The following FANCB variants were observed in gnomAD, a reference collection of about 807,000 sequenced individuals.
The protein encoded by FANCB is FA complementation group B.
In FANCB, 5 loss-of-function variants were observed where a neutral mutation model predicts 38.9. That is an observed-to-expected ratio of 0.13 (90% CI 0.07 to 0.27). FANCB has a LOEUF of 0.27. Ranked by LOEUF, FANCB falls within the 10% of genes least tolerant of loss-of-function variation. The pLI is 1.00. For missense variants in FANCB, 573 were observed against 602.7 expected (o/e 0.95, Z 0.52); for synonymous variants, 236 against 215.4 (o/e 1.10, Z -0.84).
chrX:14,746,289 G>A, the FANCB span, among the ~76,000 whole-genome samples: 1 of 112,078 alleles, frequency 8.9e-6, no homozygotes, highest in East Asian at 2.8e-4. Flanking sequence ...ATGAAAATAT[G>A]AAGTCACATG....
chrX:14,697,408 C>T, the FANCB span, among the ~76,000 whole-genome samples: 4 of 111,906 alleles, frequency 3.6e-5, no homozygotes, highest in African/African-American at 9.8e-5. Context: ...GGTGATCCTC[C>T]GGTATAGGGG....
chrX:14,738,489 T>C, the FANCB span, among the ~76,000 whole-genome samples: 1 of 112,072 alleles, frequency 8.9e-6, no homozygotes, highest in African/African-American at 3.2e-5. Flanking sequence ...ACGGATATTA[T>C]TACTATCGCT....
chrX:14,872,175 G>A (rs1465857225), intron 1 of FANCB, among the ~76,000 whole-genome samples: 1 of 111,977 alleles, frequency 8.9e-6, no homozygotes, highest in Non-Finnish European at 1.9e-5. Context: ...TAAGGATGTA[G>A]TCAAACAACG....
chrX:14,799,827 G>T, the FANCB span, among the ~76,000 whole-genome samples: 1 of 112,276 alleles, frequency 8.9e-6, no homozygotes, highest in Non-Finnish European at 1.9e-5. Flanking sequence ...TTATAAAGTG[G>T]CAGAGAATGT....
At chrX:14,812,195 GC>G in the FANCB span, among the ~76,000 whole-genome samples, 1 of 110,273 alleles carries the variant, frequency 9.1e-6, no homozygotes. Context: ...AGCACTAAAT[GC>G]CCACAAGAGA....
chrX:14,833,777 T>C (rs1376610564), downstream of FANCB, among the ~76,000 whole-genome samples: 1 of 109,871 alleles, frequency 9.1e-6, no homozygotes, highest in Non-Finnish European at 1.9e-5. Flanking sequence ...CTGGGCAGCA[T>C]GGTGAAACCT....
chrX:14,858,387 A>T (rs1258437237), intron 4 of FANCB, among the ~76,000 whole-genome samples: 1 of 107,285 alleles, frequency 9.3e-6, no homozygotes, highest in Non-Finnish European at 1.9e-5. Flanking sequence ...ACAGAGCAAG[A>T]CTCTGTCTCC....
chrX:14,787,230 T>C, the FANCB span, among the ~76,000 whole-genome samples: 15 of 110,714 alleles, frequency 1.4e-4, no homozygotes, highest in African/African-American at 2.0e-4. Flanking sequence ...TTAAAACATA[T>C]ATGAAACAAA....
At position 14,844,995 on chromosome X, in the gene FANCB, A is replaced by G. The variant is rs752308935; in HGVS notation, c.1788T>C (p.Thr596=). 5.8e-6 allele frequency: 7 copies of G among 1,209,403 alleles called. No individual in the cohort carries two copies. The South Asian group carries it at 1.2e-4, about 21-fold the overall frequency. Reference sequence around the variant, plus strand: ...CTCTCTCCATAATTTGTAGCAGTACAGTGCAACAAAATTTACTGAATGTTA... The same window carrying G: ...CTCTCTCCATAATTTGTAGCAGTACGGTGCAACAAAATTTACTGAATGTTA... ...PLLTFSKFCC[T]VLLQIMERES... Residue 596 remains threonine (T), a synonymous_variant, in exon 8 of 10, where the codon ACT becomes ACC. Transcript: ENST00000650831.
At chrX:14,840,187 C>G (rs1036170958), downstream of FANCB, among the ~76,000 whole-genome samples, 41 of 111,656 alleles carry the variant, frequency 3.7e-4, 1 homozygote, top group Admixed American at 3.1e-3. Flanking sequence ...ATTGGCAGTC[C>G]AGGAAAAGGG....
chrX:14,863,948 A>C (rs2092457459), intron 3 of FANCB, among the ~76,000 whole-genome samples: 1 of 111,606 alleles, frequency 9.0e-6, no homozygotes, highest in African/African-American at 3.3e-5. Context: ...CAGCCTGGCC[A>C]ACATGGTAAA....
At chrX:14,796,607 G>A in the FANCB span, among the ~76,000 whole-genome samples, 6 of 88,859 alleles carry the variant, frequency 6.8e-5, no homozygotes, top group Admixed American at 1.4e-4. Flanking sequence ...TATTATATAT[G>A]TTACATAATA....
the FANCB span, among the ~76,000 whole-genome samples, chrX:14,743,817 G>A: frequency 5.4e-5 from 6 of 110,986 alleles, no homozygotes; most frequent in Non-Finnish European, 1.1e-4. Flanking sequence ...CTGGTGATTC[G>A]GGTAATCCTT....
At chrX:14,792,153 G>A in the FANCB span, among the ~76,000 whole-genome samples, 1 of 111,997 alleles carries the variant, frequency 8.9e-6, no homozygotes, top group African/African-American at 3.2e-5. Flanking sequence ...GTTTTTGCCT[G>A]AAATTTAAGA....
the FANCB span, among the ~76,000 whole-genome samples, chrX:14,746,538 G>GT: frequency 8.9e-6 from 1 of 112,267 alleles, no homozygotes; most frequent in African/African-American, 3.2e-5. Flanking sequence ...CTGTTGAAAC[G>GT]TGACAAGATC....
At chrX:14,704,081 A>G in the FANCB span, among the ~76,000 whole-genome samples, 4 of 111,818 alleles carry the variant, frequency 3.6e-5, no homozygotes, top group Non-Finnish European at 7.5e-5. Flanking sequence ...ACTAAACACC[A>G]GATTCTGGAG....
chrX:14,723,919 C>T, the FANCB span, among the ~76,000 whole-genome samples: 6 of 111,396 alleles, frequency 5.4e-5, no homozygotes, highest in Non-Finnish European at 1.1e-4. Flanking sequence ...TTATTGTTTC[C>T]CTTCATCTCA....
At chrX:14,732,941 G>A in the FANCB span, among the ~76,000 whole-genome samples, 1 of 112,133 alleles carries the variant, frequency 8.9e-6, no homozygotes, top group Non-Finnish European at 1.9e-5. Flanking sequence ...TTTTAGTCAT[G>A]AAGTCTTTGC....
chrX:14,796,683 C>CAT, the FANCB span, among the ~76,000 whole-genome samples: 4 of 68,573 alleles, frequency 5.8e-5, no homozygotes, highest in Non-Finnish European at 1.0e-4. Context: ...CACACACACA[C>CAT]GTCTATATAT....
Sources: allele counts gnomAD v4.1 joint callset (sites outside exome capture counted in the v4.1 genomes callset), GRCh38; gene constraint gnomAD v4.1.1; transcripts MANE v1.5; gene names NCBI Gene and HGNC (gene_info 2026-07-23, HGNC 2026-07-21).